Variants in NDUFAF5 observed in about 807,000 individuals in gnomAD.
NDUFAF5 encodes arginine-hydroxylase NDUFAF5, mitochondrial.
Under a neutral mutation model 48.9 loss-of-function variants are expected in NDUFAF5, and 34 were observed. The ratio of observed to expected loss-of-function variants is 0.70; its 90% confidence interval spans 0.53 to 0.93. NDUFAF5 has a LOEUF of 0.93. Among genes scored for constraint, NDUFAF5 ranks in the 40% least tolerant of loss-of-function variants. NDUFAF5 has a pLI of 0.00. For missense variants in NDUFAF5, 428 were observed against 427.5 expected, an observed-to-expected ratio of 1.00 and a Z score of -0.01; for synonymous variants, 153 against 150.6, an observed-to-expected ratio of 1.02 and a Z score of -0.12.
chr20:13,796,964 A>G (rs965454463), intron 5 of NDUFAF5, among the ~76,000 whole-genome samples: 2 of 152,186 alleles, frequency 1.3e-5, no homozygotes, highest in Non-Finnish European at 2.9e-5. Context: ...GGGCAACAGC[A>G]AGACTCTGTC....
chr20:13,802,706 C>T (rs1278958460), intron 7 of NDUFAF5, among the ~76,000 whole-genome samples: 4 of 151,194 alleles, frequency 2.6e-5, no homozygotes, highest in African/African-American at 9.7e-5. Context: ...TGTTACTCAC[C>T]TCACCCTTTA....
intron 8 of NDUFAF5, among the ~76,000 whole-genome samples, chr20:13,812,772 T>C (rs529227241): frequency 2.9e-4 from 44 of 152,350 alleles, no homozygotes; most frequent in African/African-American, 9.1e-4. Context: ...ATATTTGATA[T>C]GTATGTGATT....
chr20:13,813,472 G>A lies in NDUFAF5; in HGVS notation c.779-2991G>A, dbSNP rs903813937. Among the ~76,000 whole-genome samples the A allele has an allele frequency of 4.6e-5, 7 of 152,116 alleles. No individual in the cohort carries two copies. The East Asian group carries it at 9.6e-4, about 21-fold the overall frequency. The stretch of plus-strand genomic sequence containing the variant: ...TTGGTTTTATATACCTTCACTTAGC[G>A]TTTATTGAGCATCTACCCATGTGCC... On this transcript the variant is annotated intron_variant, in intron 8 of 10. Transcript: ENST00000378106.
chr20:13,794,983 T>A (rs771670447), intron 5 of NDUFAF5, 42 bp downstream of exon 5: 2 of 1,368,554 alleles, frequency 1.5e-6, no homozygotes, highest in Non-Finnish European at 2.1e-6. Flanking sequence ...TATAAACAGA[T>A]CATTCTTGCC....
At chr20:13,787,081 GTGTA>G (rs1981305029) in intron 1 of NDUFAF5, 1 of 568,170 alleles carries the variant, frequency 1.8e-6, no homozygotes, top group Admixed American at 2.7e-5. Context: ...GTGTGTGTGT[GTGTA>G]TATGTATATT....
chr20:13,816,573 C>A, intron 9 of NDUFAF5, 27 bp downstream of exon 9: 3 of 1,577,474 alleles, frequency 1.9e-6, no homozygotes, highest in Non-Finnish European at 2.6e-6. Context: ...CTTTCACCCG[C>A]CTCACCAAGG....
At chr20:13,797,659 A>G (rs1983452908) in intron 5 of NDUFAF5, among the ~76,000 whole-genome samples, 1 of 152,176 alleles carries the variant, frequency 6.6e-6, no homozygotes, top group Admixed American at 6.5e-5. Context: ...ATAATATTGG[A>G]TATATGACAT....
chr20:13,814,360 A>G (rs1031584979), intron 8 of NDUFAF5: 3 of 866,768 alleles, frequency 3.5e-6, no homozygotes, highest in Non-Finnish European at 4.9e-6. Flanking sequence ...TTTGTGGTGT[A>G]TTTTTTTTCT....
chr20:13,786,825 C>T (rs531557982), intron 1 of NDUFAF5, among the ~76,000 whole-genome samples: 6 of 152,262 alleles, frequency 3.9e-5, no homozygotes, highest in Admixed American at 1.3e-4. Context: ...TTCTAACTTG[C>T]GAATGTCACT....
intron 7 of NDUFAF5, among the ~76,000 whole-genome samples, chr20:13,807,173 A>C (rs942248544): frequency 2.0e-5 from 3 of 152,124 alleles, no homozygotes; most frequent in African/African-American, 7.2e-5. Context: ...CAGGCTCCCA[A>C]GTAGCTGGGA....
rs765472074 is a variant in NDUFAF5 at position 13,818,318 on chromosome 20, AAG to A, written c.*1110_*1111del. 114 of 433,030 alleles carry A rather than the reference AAG, an allele frequency of 2.6e-4. No individual in the cohort carries two copies. The highest frequency in any genetic ancestry group is 4.8e-4 in the Non-Finnish European group (103 of 216,560). 26.8% of individuals were successfully genotyped at this position (433,030 alleles called of 1,614,324 possible). On this transcript the variant is annotated 3_prime_UTR_variant, in exon 11 of 11. Transcript: ENST00000378106. ...TAAAAACCAAGATTTGTAGGAGAAA[AAG>A]AAATTATTGTTCCCTTCAGTTTGAA... is the stretch of plus-strand genomic sequence containing the variant.
chr20:13,807,465 C>G (rs1191190971), intron 7 of NDUFAF5, among the ~76,000 whole-genome samples: 4 of 151,946 alleles, frequency 2.6e-5, no homozygotes, highest in Non-Finnish European at 5.9e-5. Context: ...GTCATTTAAA[C>G]TTACTTATAT....
chr20:13,803,191 G>C (rs1228818385), intron 7 of NDUFAF5: 1 of 152,218 alleles, frequency 6.6e-6, no homozygotes, highest in Admixed American at 6.5e-5. Flanking sequence ...ATGTTGGAAA[G>C]GAGCCTCCAG....
rs77901382 is a variant in NDUFAF5 at position 13,800,428 on chromosome 20, C to T, written c.520-1058C>T. Among the ~76,000 whole-genome samples the T allele has an allele frequency of 3.4e-3, 516 of 152,328 alleles. 3 individuals carry two copies. The highest frequency in any genetic ancestry group is 0.012 in the African/African-American group (497 of 41,564). On this transcript the variant is annotated intron_variant, in intron 6 of 10. Coordinates refer to ENST00000378106, the MANE Select transcript of NDUFAF5 (RefSeq NM_024120.5). The stretch of plus-strand genomic sequence containing the variant: ...CTACTGTGATTTGGATTCTGGTTTA[C>T]TTCAGAATCTACCTTTTCCTGTAAT...
chr20:13,788,530 A>G, intron 2 of NDUFAF5, 59 bp from the exon 3 acceptor site: 1 of 1,309,892 alleles, frequency 7.6e-7, no homozygotes, highest in Non-Finnish European at 1.1e-6. Context: ...AGAAAAAATA[A>G]TTCTTAATTT....
At chr20:13,812,079 G>T (rs903477116) in intron 8 of NDUFAF5, among the ~76,000 whole-genome samples, 2 of 152,208 alleles carry the variant, frequency 1.3e-5, no homozygotes, top group African/African-American at 2.4e-5. Context: ...CCTGTCAAGT[G>T]GCAGAATTAG....
chr20:13,790,131 G>A lies in NDUFAF5; in HGVS notation c.327+1479G>A, dbSNP rs572696952. Among the ~76,000 whole-genome samples, 17 of 152,204 alleles carry A rather than the reference G, an allele frequency of 1.1e-4. No homozygotes were observed. In the South Asian group the frequency reaches 2.7e-3, roughly 24 times the overall value. On this transcript the variant is annotated intron_variant, in intron 3 of 10. Transcript: ENST00000378106. The stretch of plus-strand genomic sequence containing the variant: ...GAAGATTAATCTGGGGATGGCATTC[G>A]AGAAAGATTGAAGAAGAGAAAGGGT...
chr20:13,802,228 T>C (rs1473717310), intron 7 of NDUFAF5, among the ~76,000 whole-genome samples: 1 of 152,156 alleles, frequency 6.6e-6, no homozygotes, highest in East Asian at 1.9e-4. Flanking sequence ...CAGTGAGTAA[T>C]AAGCATGAAG....
At chr20:13,798,911 A>G (rs1004228665) in intron 6 of NDUFAF5, among the ~76,000 whole-genome samples, 2 of 152,212 alleles carry the variant, frequency 1.3e-5, no homozygotes, top group Non-Finnish European at 2.9e-5. Context: ...ACACGTATCA[A>G]TAGACAGGTG....
Sources: gnomAD v4.1 joint callset for allele counts (sites outside exome capture counted in the v4.1 genomes callset) on GRCh38, gnomAD v4.1.1 for gene constraint, MANE v1.5 for transcripts, NCBI Gene and HGNC (gene_info 2026-07-23, HGNC 2026-07-21) for gene names.